The following RIMBP2 variants were observed in gnomAD, a reference collection of about 807,000 sequenced individuals.
RIMBP2 encodes the protein RIMS-binding protein 2.
RIMBP2 carries 48 observed loss-of-function variants against 118.6 expected under a neutral mutation model. The ratio of observed to expected loss-of-function variants is 0.40; its 90% CI spans 0.32 to 0.51. The LOEUF is 0.51. Among genes scored for constraint, RIMBP2 ranks in the 20% least tolerant of loss-of-function variants. The pLI is 0.41. For missense variants in RIMBP2, 1,551 were observed against 1,768.3 expected (o/e 0.88, Z 2.20); for synonymous variants, 762 against 742.9 (o/e 1.03, Z -0.42).
chr12:130,654,635 A>T (rs2063350977), intron 1 of RIMBP2, among the ~76,000 whole-genome samples: 1 of 152,230 alleles, frequency 6.6e-6, no homozygotes. Flanking sequence ...GTATCTTTAT[A>T]GCAATGCCCC....
chr12:130,461,870 A>C, intron 6 of RIMBP2, among the ~76,000 whole-genome samples: 1 of 152,150 alleles, frequency 6.6e-6, no homozygotes, highest in South Asian at 2.1e-4. Flanking sequence ...CTCCTTCATA[A>C]ATCACCTTCA....
At chr12:130,611,109 G>T (rs1189571845) in intron 2 of RIMBP2, among the ~76,000 whole-genome samples, 4 of 152,192 alleles carry the variant, frequency 2.6e-5, no homozygotes, top group South Asian at 2.1e-4. Context: ...CCTCTAGCCA[G>T]GCCGCCCAAA....
intron 2 of RIMBP2, among the ~76,000 whole-genome samples, chr12:130,613,967 T>A (rs1169522705): frequency 2.0e-5 from 3 of 152,148 alleles, no homozygotes; most frequent in African/African-American, 7.2e-5. Context: ...GCAGGTCCTT[T>A]CAGCCCTCAT....
chr12:130,557,627 C>G (rs1329447774), intron 2 of RIMBP2, among the ~76,000 whole-genome samples: 5 of 152,214 alleles, frequency 3.3e-5, no homozygotes, highest in Admixed American at 3.3e-4. Flanking sequence ...AGAGAAACCA[C>G]AAGACAGCAG....
intron 3 of RIMBP2, among the ~76,000 whole-genome samples, chr12:130,508,655 T>G (rs2050600228): frequency 6.6e-6 from 1 of 152,112 alleles, no homozygotes; most frequent in Non-Finnish European, 1.5e-5. Context: ...TGTCCACGTG[T>G]GCTCAGCACT....
At chr12:130,462,284 A>G (rs2080064956) in intron 6 of RIMBP2, among the ~76,000 whole-genome samples, 1 of 152,186 alleles carries the variant, frequency 6.6e-6, no homozygotes, top group Non-Finnish European at 1.5e-5. Context: ...CCACCTGGGC[A>G]TTGAACACGC....
At chr12:130,501,611 A>C (rs532808930) in intron 4 of RIMBP2, among the ~76,000 whole-genome samples, 23 of 152,322 alleles carry the variant, frequency 1.5e-4, no homozygotes, top group African/African-American at 5.5e-4. Context: ...CCATTTTCCA[A>C]TAATTTTCTG....
intron 1 of RIMBP2, among the ~76,000 whole-genome samples, chr12:130,639,516 A>G (rs530366126): frequency 2.2e-4 from 32 of 144,562 alleles, no homozygotes; most frequent in African/African-American, 7.9e-4. Flanking sequence ...AAAAAAAACC[A>G]ACTAAGTATC....
chr12:130,428,710 G>A (rs1025617178), intron 14 of RIMBP2: 5 of 177,770 alleles, frequency 2.8e-5, no homozygotes, highest in South Asian at 1.6e-4. Context: ...CTCTGGTGAC[G>A]GTGGGGATCA....
chr12:130,633,001 G>A (rs2062097253), intron 1 of RIMBP2, among the ~76,000 whole-genome samples: 1 of 152,164 alleles, frequency 6.6e-6, no homozygotes, highest in Non-Finnish European at 1.5e-5. Context: ...TCTGCCAGGA[G>A]GGAGGAGCCA....
chr12:130,698,529 G>C (rs987161155), intron 1 of RIMBP2, among the ~76,000 whole-genome samples: 1 of 152,186 alleles, frequency 6.6e-6, no homozygotes. Flanking sequence ...GCTGAGGTGG[G>C]TGGATCTCTT....
chr12:130,568,765 C>T (rs1327648925), intron 2 of RIMBP2, among the ~76,000 whole-genome samples: 38 of 152,170 alleles, frequency 2.5e-4, no homozygotes, highest in Non-Finnish European at 8.8e-5. Context: ...ATTTGATACA[C>T]GCTATTTCAC....
At chr12:130,634,645 G>A (rs937611785) in intron 1 of RIMBP2, among the ~76,000 whole-genome samples, 1 of 151,714 alleles carries the variant, frequency 6.6e-6, no homozygotes, top group Non-Finnish European at 1.5e-5. Context: ...AGGCTGAAGT[G>A]CAGTGGCGTG....
intron 1 of RIMBP2, among the ~76,000 whole-genome samples, chr12:130,676,513 C>G (rs1376844972): frequency 6.6e-6 from 1 of 151,752 alleles, no homozygotes. Flanking sequence ...GTCCCAGCTA[C>G]TCAGGAGGCT....
chr12:130,710,103 C>T lies in RIMBP2; in HGVS notation c.-352+6119G>A, dbSNP rs186217821. Reference sequence around the variant, plus strand: ...CCAGGAGAGGGGTTGGCTCTGCAGCCCCTGTGGTCCCAGCTGCTCCAAAAA... The same window carrying T: ...CCAGGAGAGGGGTTGGCTCTGCAGCTCCTGTGGTCCCAGCTGCTCCAAAAA... On this transcript the variant is annotated intron_variant, in intron 1 of 22. Coordinates refer to ENST00000690449, the MANE Select transcript of RIMBP2 (RefSeq NM_001393629.1). The surrounding 1 kb of genome is among the most constrained non-coding windows in gnomAD (Gnocchi z 4.3). Among the ~76,000 whole-genome samples, 27 of 152,252 alleles carry T rather than the reference C, an allele frequency of 1.8e-4. No homozygotes were observed. The highest frequency in any genetic ancestry group is 6.3e-4 in the African/African-American group (26 of 41,554).
chr12:130,640,622 T>C (rs1422201527), intron 1 of RIMBP2, among the ~76,000 whole-genome samples: 2 of 152,228 alleles, frequency 1.3e-5, no homozygotes, highest in Non-Finnish European at 2.9e-5. Context: ...GTAGGCACTG[T>C]GATGACCTGC....
intron 2 of RIMBP2, among the ~76,000 whole-genome samples, chr12:130,612,410 C>A (rs947807130): frequency 6.6e-6 from 1 of 152,126 alleles, no homozygotes; most frequent in African/African-American, 2.4e-5. Context: ...TGAAAGGTCA[C>A]CATGCGTGAG....
intron 2 of RIMBP2, among the ~76,000 whole-genome samples, chr12:130,547,983 A>G (rs1023090303): frequency 6.6e-6 from 1 of 152,216 alleles, no homozygotes; most frequent in Non-Finnish European, 1.5e-5. Flanking sequence ...ACCTCCATGT[A>G]TGGGGCTAAG....
Position 130,424,677 on chromosome 12 carries a change from C to T in RIMBP2, c.2594G>A (p.Arg865Lys). ...GTAGGGCCTGCCGGGCCTGGGCTCTCTGGCCAGCCCCGTCCTGGCCCTGGG... is the reference window on the plus strand; with the variant it reads ...GTAGGGCCTGCCGGGCCTGGGCTCTTTGGCCAGCCCCGTCCTGGCCCTGGG... The part of the protein sequence containing the change: ...PSPRARTGLA[R>K]EPRPGRPYRG... The change falls in exon 16 of 23, where the codon AGA becomes AAA. Residue 865 changes from arginine to lysine, a missense_variant. This residue lies in a region of RIMBP2 where 1,038 missense variants were observed against 1,125.1 expected (regional missense o/e 0.92). Transcript: ENST00000690449. The surrounding 1 kb of genome is among the most constrained non-coding windows in gnomAD (Gnocchi z 9.8). 3.2e-6 allele frequency: 4 copies of T among 1,231,920 alleles called. No homozygotes were observed. The highest frequency in any genetic ancestry group is 3.1e-4 in the Middle Eastern group (1 of 3,202). 76.3% of individuals were successfully genotyped at this position (1,231,920 alleles called of 1,614,324 possible). A position where few individuals can be genotyped will look rare whatever the true frequency, so the allele number is the denominator to read the frequency against.
Sources: allele counts gnomAD v4.1 joint callset (sites outside exome capture counted in the v4.1 genomes callset), GRCh38; gene constraint gnomAD v4.1.1; regional missense constraint gnomAD v4.1.1; non-coding constraint Gnocchi (gnomAD v3.1); transcripts MANE v1.5; gene names NCBI Gene and HGNC (gene_info 2026-07-23, HGNC 2026-07-21).